Variants in DNAAF9 observed in about 807,000 individuals in gnomAD.
DNAAF9 encodes the protein shulin.
Under a neutral mutation model 167.0 loss-of-function variants are expected in DNAAF9, and 90 were observed. That is an observed-to-expected ratio of 0.54 (90% CI 0.45 to 0.64). The LOEUF (loss-of-function observed/expected upper bound fraction) is 0.64, where lower values mean the gene tolerates loss of function less well. Among genes scored for constraint, DNAAF9 ranks in the 30% least tolerant of loss-of-function variants. The pLI is 0.00. For missense variants in DNAAF9, 1,315 were observed against 1,442.2 expected (o/e 0.91, Z 1.43); for synonymous variants, 491 against 508.8 (o/e 0.96, Z 0.47).
chr20:3,261,665 CCT>C lies in DNAAF9; in HGVS notation c.2874-1639_2874-1638del, dbSNP rs145913289. On this transcript the variant is annotated intron_variant, in intron 31 of 36. Transcript: ENST00000252032. ...ACAGGTGTGAGCCACCGCACCTGCC[CCT>C]GTTTCCTTTATTTTAAAACAGCACT... Among the ~76,000 whole-genome samples the C allele has an allele frequency of 1.6e-3, 244 of 151,930 alleles. 2 individuals are homozygous for C. In the East Asian group the frequency reaches 0.021, roughly 13 times the overall value.
intron 6 of DNAAF9, among the ~76,000 whole-genome samples, chr20:3,364,556 G>C (rs1248756089): frequency 6.6e-6 from 1 of 152,088 alleles, no homozygotes; most frequent in African/African-American, 2.4e-5. Context: ...GCTATTGCAG[G>C]CTTGGTTCCA....
At chr20:3,360,881 G>A (rs1056396702) in intron 6 of DNAAF9, among the ~76,000 whole-genome samples, 1 of 152,130 alleles carries the variant, frequency 6.6e-6, no homozygotes, top group Non-Finnish European at 1.5e-5. Flanking sequence ...GCCTTTCTCC[G>A]AGTTTAACCA....
chr20:3,337,410 T>C (rs1047453671), intron 10 of DNAAF9, among the ~76,000 whole-genome samples: 2 of 150,578 alleles, frequency 1.3e-5, no homozygotes. Context: ...ACTACAGGCA[T>C]GTGCCACCAC....
chr20:3,282,115 T>G (rs2068773816), intron 27 of DNAAF9, among the ~76,000 whole-genome samples: 1 of 152,142 alleles, frequency 6.6e-6, no homozygotes, highest in African/African-American at 2.4e-5. Context: ...GCCACTTGCT[T>G]ATTTTCTTTA....
chr20:3,347,442 C>T (rs946298241), intron 8 of DNAAF9, among the ~76,000 whole-genome samples: 1 of 152,078 alleles, frequency 6.6e-6, no homozygotes, highest in Non-Finnish European at 1.5e-5. Context: ...AAGTCTGGGT[C>T]TACACAAAGG....
intron 10 of DNAAF9, 146 bp from the exon 11 acceptor site, chr20:3,332,507 G>A: frequency 2.0e-6 from 1 of 498,192 alleles, no homozygotes; most frequent in South Asian, 2.3e-5. Flanking sequence ...AGGATGGAGT[G>A]CAGTGGCGCA....
intron 1 of DNAAF9, among the ~76,000 whole-genome samples, chr20:3,405,503 G>T (rs933033234): frequency 6.6e-6 from 1 of 152,214 alleles, no homozygotes. Flanking sequence ...GAAGCCTTCA[G>T]CAAATTTCTT....
intron 6 of DNAAF9, among the ~76,000 whole-genome samples, chr20:3,370,830 A>AAGT (rs1351549640): frequency 1.3e-5 from 2 of 152,082 alleles, no homozygotes; most frequent in East Asian, 3.9e-4. Flanking sequence ...TGAGCCACTC[A>AAGT]CCAGGCCCTT....
intron 11 of DNAAF9, among the ~76,000 whole-genome samples, chr20:3,331,299 C>T (rs1216091807): frequency 6.6e-6 from 1 of 152,160 alleles, no homozygotes; most frequent in African/African-American, 2.4e-5. Flanking sequence ...CATCAGTAAA[C>T]AGGCTCAGTT....
intron 1 of DNAAF9, among the ~76,000 whole-genome samples, chr20:3,405,768 C>T (rs6139115): frequency 6.6e-5 from 10 of 152,156 alleles, no homozygotes; most frequent in Non-Finnish European, 1.5e-4. Context: ...TTTTTTCCCC[C>T]TAAAGATCTC....
At chr20:3,296,675 A>G (rs2069085720) in intron 23 of DNAAF9, 186 bp downstream of exon 23, 1 of 613,494 alleles carries the variant, frequency 1.6e-6, no homozygotes. Context: ...GGCACTGCAC[A>G]TGGCCCTCTC....
At chr20:3,352,243 G>A (rs1311801867) in intron 7 of DNAAF9, among the ~76,000 whole-genome samples, 2 of 152,152 alleles carry the variant, frequency 1.3e-5, no homozygotes, top group Non-Finnish European at 1.5e-5. Flanking sequence ...GCAGGGTCCT[G>A]GGTTAGAATG....
chr20:3,378,680 G>A (rs1368120296), intron 3 of DNAAF9, among the ~76,000 whole-genome samples: 7 of 152,134 alleles, frequency 4.6e-5, no homozygotes, highest in Admixed American at 3.3e-4. Flanking sequence ...AAAGGCACAC[G>A]CATAGGGGCA....
In DNAAF9 at chr20:3,375,094, T is replaced by C. The variant is rs1165888738; in HGVS notation, c.441A>G (p.Lys147=). The change falls in exon 5 of 37, where the codon AAA becomes AAG. Residue 147 remains lysine (K), a synonymous_variant. Coordinates refer to ENST00000252032, the MANE Select transcript of DNAAF9 (RefSeq NM_001009984.3). ...GAACCATGTCCACAAAGCTGGTAAT[T>C]TTAAATTCTTCTGCGGCTTCTTCAT... ...YEDEEAAEEF[K]ITSFVDMVRD... is the part of the protein sequence containing the mutation. The C allele has an allele frequency of 6.2e-7, 1 of 1,611,882 alleles. No homozygotes were observed. The highest frequency in any genetic ancestry group is 1.7e-5 in the Admixed American group (1 of 60,022).
At chr20:3,394,181 T>C (rs186176172) in intron 1 of DNAAF9, among the ~76,000 whole-genome samples, 322 of 152,102 alleles carry the variant, frequency 2.1e-3, no homozygotes, top group Non-Finnish European at 3.7e-3. Context: ...CTACTAAAAA[T>C]ACAAAAATTT....
At chr20:3,390,429 G>T (rs1046780308) in intron 1 of DNAAF9, among the ~76,000 whole-genome samples, 2 of 149,532 alleles carry the variant, frequency 1.3e-5, no homozygotes, top group Non-Finnish European at 3.0e-5. Flanking sequence ...GCGGTGGCAC[G>T]ATCTTGGCTC....
chr20:3,370,907 T>C (rs1405209073), intron 6 of DNAAF9, among the ~76,000 whole-genome samples: 1 of 152,170 alleles, frequency 6.6e-6, no homozygotes, highest in East Asian at 1.9e-4. Context: ...AGGTGGCATC[T>C]GCAAATGCCT....
At chr20:3,322,441 T>A (rs909783842) in intron 15 of DNAAF9, among the ~76,000 whole-genome samples, 179 bp from the exon 16 acceptor site, 1 of 152,150 alleles carries the variant, frequency 6.6e-6, no homozygotes, top group East Asian at 1.9e-4. Context: ...AAGGTGAGTA[T>A]GTCCATCCCC....
chr20:3,323,385 G>A (rs574744650), intron 14 of DNAAF9, among the ~76,000 whole-genome samples: 13 of 145,798 alleles, frequency 8.9e-5, no homozygotes, highest in African/African-American at 2.5e-4. Flanking sequence ...GGGTTCAAGC[G>A]ATTCTCCTGC....
Sources: gnomAD v4.1 joint callset for allele counts (sites outside exome capture counted in the v4.1 genomes callset) on GRCh38, gnomAD v4.1.1 for gene constraint, MANE v1.5 for transcripts, NCBI Gene and HGNC (gene_info 2026-07-23, HGNC 2026-07-21) for gene names.